DCX: variants seen among roughly 807,000 people sequenced by gnomAD.
The protein encoded by DCX is neuronal migration protein doublecortin.
DCX carries 4 observed loss-of-function variants against 20.9 expected under a neutral mutation model. The ratio of observed to expected loss-of-function variants is 0.19; its 90% CI spans 0.09 to 0.44. DCX has a LOEUF of 0.44. Ranked by LOEUF, DCX falls within the 20% of genes least tolerant of loss-of-function variation. The pLI is 0.99. For missense variants in DCX, 133 were observed against 296.9 expected (o/e 0.45, Z 4.06); for synonymous variants, 103 against 111.4 (o/e 0.92, Z 0.47).
intron 3 of DCX, among the ~76,000 whole-genome samples, chrX:111,348,658 G>A (rs1923041793): frequency 9.1e-6 from 1 of 110,254 alleles, no homozygotes; most frequent in Non-Finnish European, 1.9e-5. Flanking sequence ...AACCCTGCTT[G>A]ATCCCTTGGC....
chrX:111,385,934 A>G (rs1926466772), intron 3 of DCX, among the ~76,000 whole-genome samples: 1 of 111,265 alleles, frequency 9.0e-6, no homozygotes, highest in African/African-American at 3.3e-5. Flanking sequence ...TTATATTTCA[A>G]TCTGATTACT....
chrX:111,296,199 G>T lies in DCX; in HGVS notation c.*5488C>A, dbSNP rs1423162701. 2 of 111,801 alleles carry T rather than the reference G, an allele frequency of 1.8e-5. No individual in the cohort carries two copies. Among genetic ancestry groups the T allele is most frequent in the East Asian group, 5.7e-4 (2 of 3,522 alleles). The allele number at this position is 111,801 out of a possible 1,213,427, so 9.2% of individuals were successfully genotyped here. Reference sequence around the variant, plus strand: ...AAAGAGATACACAAGAGGTAGAGCGGCAAAAAGCCATTGATTCCCTCAGGT... The same window carrying T: ...AAAGAGATACACAAGAGGTAGAGCGTCAAAAAGCCATTGATTCCCTCAGGT... On this transcript the variant is annotated 3_prime_UTR_variant, in exon 7 of 7. Transcript: ENST00000636035.
intron 2 of DCX, among the ~76,000 whole-genome samples, chrX:111,408,519 C>T (rs1026159746): frequency 1.8e-5 from 2 of 109,220 alleles, no homozygotes; most frequent in Non-Finnish European, 3.8e-5. Context: ...ACTTGGGAGG[C>T]TGAGGCAGGA....
Position 111,367,211 on chromosome X carries a change from C to G in DCX, c.705+33779G>C, listed in dbSNP as rs1397793825. On this transcript the variant is annotated intron_variant, in intron 3 of 6. Coordinates refer to ENST00000636035, the MANE Select transcript of DCX (RefSeq NM_001195553.2). ...GGTGCCATGAGGGAGCAGAGATAGG[C>G]TGAACACTATTTCATCAGGGACTGA... Among the ~76,000 whole-genome samples the G allele has an allele frequency of 1.8e-4, 20 of 111,754 alleles. 1 individual carries two copies. The highest frequency in any genetic ancestry group is 1.5e-3 in the Admixed American group (16 of 10,469).
intron 3 of DCX, among the ~76,000 whole-genome samples, chrX:111,354,380 T>TA (rs951151223): frequency 1.8e-5 from 2 of 111,168 alleles, no homozygotes; most frequent in Non-Finnish European, 3.8e-5. Context: ...AATTACCCTT[T>TA]AAAAAAAATG....
At chrX:111,359,169 A>C (rs1395775091) in intron 3 of DCX, among the ~76,000 whole-genome samples, 1 of 111,817 alleles carries the variant, frequency 8.9e-6, no homozygotes, top group African/African-American at 3.2e-5. Context: ...AATAGATTAT[A>C]GTATCTAAAA....
At chrX:111,349,867 T>C (rs1186540042) in intron 3 of DCX, among the ~76,000 whole-genome samples, 2 of 111,067 alleles carry the variant, frequency 1.8e-5, no homozygotes, top group Non-Finnish European at 3.8e-5. Context: ...CTAAAGGGGA[T>C]TGATTACAAA....
At chrX:111,342,214 A>C (rs1214574664) in intron 3 of DCX, among the ~76,000 whole-genome samples, 1 of 101,555 alleles carries the variant, frequency 9.8e-6, no homozygotes, top group Non-Finnish European at 2.0e-5. Flanking sequence ...AAAAAAAAAA[A>C]AAAAAGCAGG....
In DCX at chrX:111,365,087, T is replaced by TTA. The variant is rs1569493523; in HGVS notation, c.706-31935_706-31934insTA. 2.0e-4 allele frequency among the ~76,000 whole-genome samples: 21 copies of TTA among 102,817 alleles called. No individual in the cohort carries two copies. In the South Asian group the frequency reaches 2.6e-3, roughly 13 times the overall value. The allele number at this position is 102,817 out of a possible 115,157, so 89.3% of individuals were successfully genotyped here. On this transcript the variant is annotated intron_variant, in intron 3 of 6. Coordinates refer to ENST00000636035, the MANE Select transcript of DCX (RefSeq NM_001195553.2). ...TTGTATTATTATTATTATTATTATTTTTATTTTTATTTTGGAGAGACAGGG... is the reference window on the plus strand; with the variant it reads ...TTGTATTATTATTATTATTATTATTTTATTATTTTTATTTTGGAGAGACAGGG...
At chrX:111,361,664 C>T (rs1924221851) in intron 3 of DCX, among the ~76,000 whole-genome samples, 1 of 112,369 alleles carries the variant, frequency 8.9e-6, no homozygotes, top group Admixed American at 9.4e-5. Context: ...ATCAAAGGCT[C>T]ATTTGTAGCT....
intron 3 of DCX, among the ~76,000 whole-genome samples, chrX:111,353,239 G>C (rs768414588): frequency 8.9e-6 from 1 of 112,062 alleles, no homozygotes; most frequent in East Asian, 2.8e-4. Context: ...TCCTTGTTCA[G>C]TCACACAATG....
At chrX:111,312,056 A>G (rs943413246) in intron 6 of DCX, among the ~76,000 whole-genome samples, 1 of 112,477 alleles carries the variant, frequency 8.9e-6, no homozygotes, top group East Asian at 2.8e-4. Flanking sequence ...TTATTTAATG[A>G]TATACTTATT....
chrX:111,372,005 G>A (rs774508045), intron 3 of DCX, among the ~76,000 whole-genome samples: 12 of 110,276 alleles, frequency 1.1e-4, no homozygotes, highest in Non-Finnish European at 1.9e-4. Flanking sequence ...CAGTTATAGA[G>A]TCCAAATGAA....
intron 3 of DCX, among the ~76,000 whole-genome samples, chrX:111,392,297 T>G (rs1216264590): frequency 9.0e-6 from 1 of 111,506 alleles, no homozygotes; most frequent in Non-Finnish European, 1.9e-5. Context: ...TATTACTAGA[T>G]ATATATTCAA....
At chrX:111,359,464 T>C (rs1042547595) in intron 3 of DCX, among the ~76,000 whole-genome samples, 4 of 112,037 alleles carry the variant, frequency 3.6e-5, no homozygotes, top group African/African-American at 1.3e-4. Context: ...TTTTTTATCA[T>C]CTTTGGGTAA....
intron 5 of DCX, among the ~76,000 whole-genome samples, chrX:111,315,244 C>G (rs1222244685): frequency 1.0e-5 from 1 of 98,743 alleles, no homozygotes; most frequent in Non-Finnish European, 2.0e-5. Flanking sequence ...AAAAAACAAA[C>G]AACCCCATCA....
At chrX:111,391,544 C>T (rs1926955459) in intron 3 of DCX, among the ~76,000 whole-genome samples, 1 of 111,284 alleles carries the variant, frequency 9.0e-6, no homozygotes, top group Non-Finnish European at 1.9e-5. Flanking sequence ...ACCTGTAATG[C>T]AGGGTTTCTC....
In DCX at chrX:111,294,327, T is replaced by C. The variant is rs2095015290; in HGVS notation, c.*7360A>G. 1 of 110,954 alleles carries C rather than the reference T, an allele frequency of 9.0e-6. No homozygotes were observed. The highest frequency in any genetic ancestry group is 1.9e-5 in the Non-Finnish European group (1 of 53,056). 9.1% of individuals were successfully genotyped at this position (110,954 alleles called of 1,213,427 possible). A position where few individuals can be genotyped will look rare whatever the true frequency, so the allele number is the denominator to read the frequency against. Reference sequence around the variant, plus strand: ...ATTTCTCTCATTTTTTCTTTTTTTTTCAAATAATTATTGGTCATCGGTCAA... The same window carrying C: ...ATTTCTCTCATTTTTTCTTTTTTTTCCAAATAATTATTGGTCATCGGTCAA... On this transcript the variant is annotated 3_prime_UTR_variant, in exon 7 of 7. Coordinates refer to ENST00000636035, the MANE Select transcript of DCX (RefSeq NM_001195553.2).
At chrX:111,386,438 T>A (rs1214669920) in intron 3 of DCX, among the ~76,000 whole-genome samples, 1 of 111,196 alleles carries the variant, frequency 9.0e-6, no homozygotes. Flanking sequence ...TAAAACCCCA[T>A]GAGAGTGTCC....
Sources: gnomAD v4.1 joint callset for allele counts (sites outside exome capture counted in the v4.1 genomes callset) on GRCh38, gnomAD v4.1.1 for gene constraint, MANE v1.5 for transcripts, NCBI Gene and HGNC (gene_info 2026-07-23, HGNC 2026-07-21) for gene names.